Variants in CASD1 observed in about 807,000 individuals in gnomAD.
CASD1 encodes the protein CAS1 domain sialic acid O acetyltransferase 1, also known as N-acetylneuraminate (7)9-O-acetyltransferase.
A neutral mutation model predicts 100.0 loss-of-function variants in CASD1; 41 were observed. The observed-to-expected ratio is 0.41, with a 90% CI of 0.32 to 0.53. The LOEUF is 0.53. CASD1 is among the 20% of genes least tolerant of loss of function. CASD1 has a pLI of 0.25. For synonymous variants in CASD1, 321 were observed against 315.6 expected (o/e 1.02, Z -0.18); for missense variants, 774 against 948.7 (o/e 0.82, Z 2.42).
chr7:94,580,600 C>T, the CASD1 span, among the ~76,000 whole-genome samples: 1 of 152,260 alleles, frequency 6.6e-6, no homozygotes, highest in East Asian at 1.9e-4. Flanking sequence ...AATCTTAGCA[C>T]CATCACAAGT....
At chr7:94,597,341 A>G in the CASD1 span, 1 of 152,156 alleles carries the variant, frequency 6.6e-6, no homozygotes, top group South Asian at 2.1e-4. Flanking sequence ...AATATTCATA[A>G]TACTTTTGGG....
the CASD1 span, among the ~76,000 whole-genome samples, chr7:94,582,017 C>T: frequency 1.3e-5 from 2 of 152,294 alleles, no homozygotes; most frequent in Admixed American, 6.5e-5. Context: ...TCCTATTTCT[C>T]CACAACCTTG....
the CASD1 span, among the ~76,000 whole-genome samples, chr7:94,571,133 T>C: frequency 6.6e-5 from 10 of 150,664 alleles, no homozygotes; most frequent in East Asian, 2.0e-3. Context: ...AGTCTTGACC[T>C]CCCAGGCTTA....
the CASD1 span, among the ~76,000 whole-genome samples, chr7:94,569,773 G>A: frequency 5.4e-5 from 8 of 149,222 alleles, no homozygotes; most frequent in Non-Finnish European, 8.9e-5. Context: ...ACAGCATATC[G>A]TTGTATCATT....
chr7:94,513,287 C>CAAAAA (rs766687618), intron 1 of CASD1, among the ~76,000 whole-genome samples: 1 of 63,838 alleles, frequency 1.6e-5, no homozygotes, highest in African/African-American at 4.4e-5. Flanking sequence ...GATCGCATCC[C>CAAAAA]AAAAAAAAAA....
At chr7:94,534,449 A>G (rs1463771057) in intron 7 of CASD1, among the ~76,000 whole-genome samples, 1 of 152,196 alleles carries the variant, frequency 6.6e-6, no homozygotes, top group African/African-American at 2.4e-5. Flanking sequence ...AGAAGTAAAT[A>G]TACTTTTTTA....
the CASD1 span, chr7:94,628,054 T>G: frequency 1.5e-5 from 9 of 611,104 alleles, no homozygotes; most frequent in South Asian, 1.9e-4. Flanking sequence ...TTTCCAAATG[T>G]TATCTACTGT....
the CASD1 span, among the ~76,000 whole-genome samples, chr7:94,571,040 CTT>C: frequency 2.9e-5 from 4 of 138,646 alleles, no homozygotes; most frequent in Non-Finnish European, 3.1e-5. Context: ...TTAAATTCTC[CTT>C]TTTTTTTTTT....
chr7:94,556,352 G>C lies in CASD1; in HGVS notation c.*594G>C, dbSNP rs1562952771. ...TTTTCTTCCTAACTGTGGTTTTCGG[G>C]TATGCAAGCCTAAATCTTTGTACAC... is the stretch of plus-strand genomic sequence containing the variant. On this transcript the variant is annotated 3_prime_UTR_variant, in exon 18 of 18. Transcript: ENST00000297273. 1 of 151,990 alleles carries C rather than the reference G, an allele frequency of 6.6e-6. No individual in the cohort carries two copies. The highest frequency in any genetic ancestry group is 1.5e-5 in the Non-Finnish European group (1 of 67,934). The allele number at this position is 151,990 out of a possible 1,614,324, so 9.4% of individuals were successfully genotyped here.
the CASD1 span, chr7:94,616,745 G>A: frequency 1.3e-5 from 2 of 152,002 alleles, no homozygotes; most frequent in Admixed American, 6.5e-5. Context: ...CATTTGCAGC[G>A]ACAAACTTTT....
At chr7:94,523,154 G>A (rs1359978932) in intron 3 of CASD1, among the ~76,000 whole-genome samples, 1 of 152,064 alleles carries the variant, frequency 6.6e-6, no homozygotes, top group Non-Finnish European at 1.5e-5. Flanking sequence ...AAAGACAAAG[G>A]TGTTCATTAC....
At chr7:94,546,935 A>G (rs753191834) in intron 12 of CASD1, among the ~76,000 whole-genome samples, 161 bp from the exon 13 acceptor site, 2 of 151,798 alleles carry the variant, frequency 1.3e-5, no homozygotes, top group Non-Finnish European at 3.0e-5. Flanking sequence ...TTTTTGCCCT[A>G]CTTGTAATTT....
intron 13 of CASD1, among the ~76,000 whole-genome samples, chr7:94,548,866 C>T (rs1795809041): frequency 6.6e-6 from 1 of 151,888 alleles, no homozygotes; most frequent in Non-Finnish European, 1.5e-5. Context: ...GTACCCAAGA[C>T]ATCTGCCCCT....
chr7:94,624,407 A>G, the CASD1 span: 2 of 392,128 alleles, frequency 5.1e-6, no homozygotes, highest in Non-Finnish European at 9.0e-6. Flanking sequence ...TTTGAAATAA[A>G]TAATTTTAAA....
chr7:94,618,496 T>C, the CASD1 span: 5 of 410,806 alleles, frequency 1.2e-5, no homozygotes, highest in African/African-American at 8.3e-5. Context: ...TAATGGAAGG[T>C]ACAAAAGACT....
the CASD1 span, among the ~76,000 whole-genome samples, chr7:94,612,407 G>T: frequency 2.6e-5 from 4 of 151,924 alleles, no homozygotes; most frequent in African/African-American, 7.3e-5. Flanking sequence ...TAATCTAATT[G>T]CAATAATCTC....
At chr7:94,563,346 ACT>A in the CASD1 span, among the ~76,000 whole-genome samples, 1 of 151,566 alleles carries the variant, frequency 6.6e-6, no homozygotes, top group African/African-American at 2.4e-5. Flanking sequence ...GCTCTGGAAA[ACT>A]CTTATACATA....
At chr7:94,604,806 A>AATATATATATATAT in the CASD1 span, among the ~76,000 whole-genome samples, 7 of 44,406 alleles carry the variant, frequency 1.6e-4, no homozygotes, top group Non-Finnish European at 2.1e-4. Context: ...ATGGTGCTGG[A>AATATATATATATAT]ATATATATAT....
intron 14 of CASD1, 39 bp downstream of exon 14, chr7:94,549,673 A>T: frequency 6.9e-7 from 1 of 1,454,634 alleles, no homozygotes; most frequent in Non-Finnish European, 9.5e-7. Flanking sequence ...ATTTCAAATT[A>T]TACTGTTGGA....
Sources: allele counts gnomAD v4.1 joint callset (sites outside exome capture counted in the v4.1 genomes callset), GRCh38; gene constraint gnomAD v4.1.1; transcripts MANE v1.5; gene names NCBI Gene and HGNC (gene_info 2026-07-23, HGNC 2026-07-21).